MIPOL1: variants seen among roughly 807,000 people sequenced by gnomAD.
MIPOL1 encodes the protein mirror-image polydactyly 1.
In MIPOL1, 57 loss-of-function variants were observed where a neutral mutation model predicts 60.9. The ratio of observed to expected loss-of-function variants is 0.94; its 90% CI spans 0.76 to 1.17. MIPOL1 has a LOEUF of 1.17. Among genes scored for constraint, MIPOL1 ranks in the 50% most tolerant of loss-of-function variants. The pLI is 0.00. For missense variants in MIPOL1, 551 were observed against 511.6 expected (o/e 1.08, Z -0.74); for synonymous variants, 179 against 168.8 (o/e 1.06, Z -0.47).
chr14:37,356,269 G>C (rs2091815058), intron 9 of MIPOL1, among the ~76,000 whole-genome samples: 2 of 151,830 alleles, frequency 1.3e-5, no homozygotes, highest in East Asian at 2.0e-4. Context: ...CCAGTTCTCA[G>C]ATCTCCAGCT....
intron 7 of MIPOL1, among the ~76,000 whole-genome samples, chr14:37,299,386 A>G (rs1250857678): frequency 1.3e-5 from 2 of 152,104 alleles, no homozygotes; most frequent in South Asian, 2.1e-4. Context: ...ACATGTATAC[A>G]TATGTAACAA....
chr14:37,383,439 T>C, intron 10 of MIPOL1, among the ~76,000 whole-genome samples: 1 of 151,870 alleles, frequency 6.6e-6, no homozygotes, highest in East Asian at 1.9e-4. Context: ...CTATTATTTT[T>C]ACTAGAAAAG....
intron 11 of MIPOL1, among the ~76,000 whole-genome samples, chr14:37,440,166 T>C (rs957421659): frequency 1.3e-5 from 2 of 152,186 alleles, no homozygotes; most frequent in Non-Finnish European, 2.9e-5. Context: ...TTTCTTAATA[T>C]CATCAAATAT....
At chr14:37,267,479 TTGTC>T (rs143477766) in intron 4 of MIPOL1, among the ~76,000 whole-genome samples, 6,385 of 151,680 alleles carry the variant, frequency 0.042, 163 homozygotes, top group Middle Eastern at 0.078. Flanking sequence ...CAGAGCAAGA[TTGTC>T]TGAAGAAAAA....
intron 11 of MIPOL1, among the ~76,000 whole-genome samples, chr14:37,484,920 A>G (rs1018908862): frequency 1.3e-5 from 2 of 152,184 alleles, no homozygotes; most frequent in East Asian, 1.9e-4. Flanking sequence ...AGGTATATAC[A>G]TGCCATGGTG....
intron 3 of MIPOL1, among the ~76,000 whole-genome samples, chr14:37,252,664 A>G (rs777404581): frequency 6.6e-6 from 1 of 151,892 alleles, no homozygotes; most frequent in South Asian, 2.1e-4. Flanking sequence ...TGATTCATTT[A>G]TCTTTCTCTC....
chr14:37,310,028 T>C (rs1053239333), intron 9 of MIPOL1, among the ~76,000 whole-genome samples: 1 of 151,912 alleles, frequency 6.6e-6, no homozygotes, highest in African/African-American at 2.4e-5. Flanking sequence ...CTTTTCTGTC[T>C]CTCAAACCCC....
At chr14:37,397,002 G>A (rs2093383786) in intron 10 of MIPOL1, 1 of 152,058 alleles carries the variant, frequency 6.6e-6, no homozygotes, top group Admixed American at 6.6e-5. Context: ...TTCTTGGTTT[G>A]GATCCATTGC....
chr14:37,333,823 GAACAA>G (rs2153456297), intron 9 of MIPOL1, among the ~76,000 whole-genome samples: 1 of 152,120 alleles, frequency 6.6e-6, no homozygotes, highest in African/African-American at 2.4e-5. Flanking sequence ...CAGACGATTT[GAACAA>G]AATTCATTAC....
At chr14:37,498,490 A>G (rs1245924701) in intron 11 of MIPOL1, among the ~76,000 whole-genome samples, 1 of 152,196 alleles carries the variant, frequency 6.6e-6, no homozygotes, top group Non-Finnish European at 1.5e-5. Context: ...ACAAGAATGC[A>G]GAAAGTGAGA....
chr14:37,534,795 G>A (rs2153637860), intron 12 of MIPOL1, among the ~76,000 whole-genome samples: 1 of 152,098 alleles, frequency 6.6e-6, no homozygotes, highest in East Asian at 1.9e-4. Flanking sequence ...TTTCCTAATA[G>A]TATCATCTAA....
chr14:37,240,861 A>C (rs1972234823), intron 1 of MIPOL1, among the ~76,000 whole-genome samples: 1 of 152,034 alleles, frequency 6.6e-6, no homozygotes, highest in Non-Finnish European at 1.5e-5. Context: ...TGAAGCACCA[A>C]GTATTAATTT....
At chr14:37,478,757 G>C (rs934489280) in intron 11 of MIPOL1, among the ~76,000 whole-genome samples, 1 of 151,968 alleles carries the variant, frequency 6.6e-6, no homozygotes, top group African/African-American at 2.4e-5. Context: ...AGATAGCGGG[G>C]GTAGCTATTC....
chr14:37,397,909 G>A (rs553747164), intron 10 of MIPOL1, among the ~76,000 whole-genome samples: 6 of 152,246 alleles, frequency 3.9e-5, no homozygotes, highest in Admixed American at 1.3e-4. Context: ...TCTGAGTTGC[G>A]AAAGAAAAGG....
intron 5 of MIPOL1, among the ~76,000 whole-genome samples, chr14:37,269,531 C>T (rs572782780): frequency 6.6e-6 from 1 of 151,954 alleles, no homozygotes; most frequent in East Asian, 1.9e-4. Context: ...ATTAAAAAAA[C>T]ATGTGGAGGG....
chr14:37,286,190 G>T (rs563303565), intron 7 of MIPOL1, among the ~76,000 whole-genome samples: 1 of 151,986 alleles, frequency 6.6e-6, no homozygotes, highest in East Asian at 1.9e-4. Context: ...TTTTTTAAAT[G>T]TGAGTGATAC....
Position 37,311,518 on chromosome 14 carries a change from T to G in MIPOL1, c.828+2999T>G, listed in dbSNP as rs190494194. ...TTGTTTAGTTATTTTAATTTGCTTA[T>G]TTGCAAGCCCTCTGGCTCAATAAAT... On this transcript the variant is annotated intron_variant, in intron 9 of 12. Transcript: ENST00000684589. Among the ~76,000 whole-genome samples the G allele has an allele frequency of 2.0e-4, 30 of 152,358 alleles. No homozygotes were observed. In the East Asian group the frequency reaches 2.1e-3, roughly 11 times the overall value.
chr14:37,279,647 C>T (rs1594875228), intron 6 of MIPOL1, among the ~76,000 whole-genome samples: 1 of 151,632 alleles, frequency 6.6e-6, no homozygotes, highest in East Asian at 1.9e-4. Flanking sequence ...AAATAATAAT[C>T]GTATATATTA....
chr14:37,242,404 T>G (rs570607680), intron 1 of MIPOL1, among the ~76,000 whole-genome samples: 1 of 152,276 alleles, frequency 6.6e-6, no homozygotes, highest in Admixed American at 6.5e-5. Flanking sequence ...ACTTTGTGCC[T>G]GTATTGTTTT....
Sources: gnomAD v4.1 joint callset for allele counts (sites outside exome capture counted in the v4.1 genomes callset) on GRCh38, gnomAD v4.1.1 for gene constraint, MANE v1.5 for transcripts, NCBI Gene and HGNC (gene_info 2026-07-23, HGNC 2026-07-21) for gene names.